ADCY2: variants seen among roughly 807,000 people sequenced by gnomAD.
The protein encoded by ADCY2 is adenylate cyclase type 2.
In ADCY2, 31 loss-of-function variants were observed where a neutral mutation model predicts 125.2. That is an observed-to-expected ratio of 0.25 (90% CI 0.19 to 0.33). The LOEUF (loss-of-function observed/expected upper bound fraction) is 0.33, where lower values mean the gene tolerates loss of function less well. ADCY2 is among the 10% of genes least tolerant of loss of function. The pLI is 1.00. For synonymous variants in ADCY2, 512 were observed against 548.4 expected, an observed-to-expected ratio of 0.93 and a Z score of 0.93; for missense variants, 904 against 1,418.2, an observed-to-expected ratio of 0.64 and a Z score of 5.82.
chr5:7,639,512 T>A (rs1393597491), intron 4 of ADCY2, among the ~76,000 whole-genome samples: 1 of 152,214 alleles, frequency 6.6e-6, no homozygotes, highest in Admixed American at 6.5e-5. Context: ...TAAAACCATG[T>A]CTTCCAATAC....
chr5:7,401,395 T>C (rs1030067947), intron 1 of ADCY2, among the ~76,000 whole-genome samples: 11 of 152,212 alleles, frequency 7.2e-5, no homozygotes, highest in Admixed American at 5.9e-4. Context: ...TGACTTTCCC[T>C]GGGTGACTTT....
rs1055961138 is a variant in ADCY2 at position 7,828,750 on chromosome 5, A to G, written c.*1879A>G. The G allele has an allele frequency of 6.6e-6, 1 of 152,384 alleles. No homozygotes were observed. Among genetic ancestry groups the G allele is most frequent in the Non-Finnish European group, 1.5e-5 (1 of 68,054 alleles). 9.4% of individuals were successfully genotyped at this position (152,384 alleles called of 1,614,324 possible). On this transcript the variant is annotated 3_prime_UTR_variant, in exon 25 of 25. Coordinates refer to ENST00000338316, the MANE Select transcript of ADCY2 (RefSeq NM_020546.3). ...CTAACTCATTCTTCACGGATGCCGT[A>G]GCGTTTCCGTGAGCTCAAACTGGCC...
At chr5:7,826,155 G>T (rs1415451399) in intron 24 of ADCY2, among the ~76,000 whole-genome samples, 1 of 152,072 alleles carries the variant, frequency 6.6e-6, no homozygotes, top group Non-Finnish European at 1.5e-5. Context: ...TCACTCAAAG[G>T]CATCAAACCT....
intron 2 of ADCY2, among the ~76,000 whole-genome samples, chr5:7,476,157 C>T (rs1742517339): frequency 6.6e-6 from 1 of 152,064 alleles, no homozygotes; most frequent in Admixed American, 6.6e-5. Context: ...ACTGAAAATA[C>T]ATTTTCCACA....
chr5:7,747,135 C>T (rs1184712246), intron 15 of ADCY2, among the ~76,000 whole-genome samples: 3 of 152,300 alleles, frequency 2.0e-5, no homozygotes, highest in East Asian at 3.9e-4. Flanking sequence ...CCTTCACTCC[C>T]ACCCGAGGCA....
At chr5:7,772,846 A>T (rs926987393) in intron 17 of ADCY2, 86 bp from the exon 18 acceptor site, 62 of 1,330,098 alleles carry the variant, frequency 4.7e-5, no homozygotes, top group Non-Finnish European at 5.9e-5. Context: ...ACCAGATGAG[A>T]TGGGCGGTGG....
chr5:7,598,760 G>C (rs1737097543), intron 3 of ADCY2, among the ~76,000 whole-genome samples: 1 of 152,142 alleles, frequency 6.6e-6, no homozygotes, highest in African/African-American at 2.4e-5. Flanking sequence ...GCAGTGATGT[G>C]TGACACCTCC....
At chr5:7,597,916 T>A (rs768495195) in intron 3 of ADCY2, among the ~76,000 whole-genome samples, 1 of 152,202 alleles carries the variant, frequency 6.6e-6, no homozygotes, top group Non-Finnish European at 1.5e-5. Flanking sequence ...GGAAAAATCC[T>A]TGCAATGTCT....
At chr5:7,594,211 C>T (rs1736934538) in intron 3 of ADCY2, among the ~76,000 whole-genome samples, 1 of 152,106 alleles carries the variant, frequency 6.6e-6, no homozygotes, top group South Asian at 2.1e-4. Flanking sequence ...TTAGAGGCCA[C>T]TGCAAATCCA....
intron 2 of ADCY2, among the ~76,000 whole-genome samples, chr5:7,427,138 T>G (rs1490974733): frequency 6.6e-6 from 1 of 152,144 alleles, no homozygotes; most frequent in Admixed American, 6.5e-5. Flanking sequence ...TATTCTGTGA[T>G]TTGCTGACAG....
At chr5:7,809,387 A>G (rs1044148523) in intron 22 of ADCY2, among the ~76,000 whole-genome samples, 35 of 152,370 alleles carry the variant, frequency 2.3e-4, no homozygotes, top group Non-Finnish European at 4.3e-4. Flanking sequence ...GGAAAATAAC[A>G]TACCTGATAA....
At chr5:7,446,876 CTCTTCTACAATGT>C (rs1741279967) in intron 2 of ADCY2, among the ~76,000 whole-genome samples, 1 of 152,192 alleles carries the variant, frequency 6.6e-6, no homozygotes, top group African/African-American at 2.4e-5. Context: ...TCTGTGAATA[CTCTTCTACAATGT>C]TCTTCTACAA....
chr5:7,489,160 C>T (rs538801101), intron 2 of ADCY2, among the ~76,000 whole-genome samples: 6 of 152,114 alleles, frequency 3.9e-5, no homozygotes, highest in African/African-American at 9.7e-5. Flanking sequence ...TTGGATACCC[C>T]CCTTTGCTGC....
chr5:7,683,129 C>T (rs931131685), intron 4 of ADCY2, among the ~76,000 whole-genome samples: 42 of 152,166 alleles, frequency 2.8e-4, no homozygotes, highest in African/African-American at 1.0e-3. Flanking sequence ...CATGAGGTCC[C>T]TGCCCTGAAG....
At chr5:7,569,616 C>A (rs1343524867) in intron 3 of ADCY2, among the ~76,000 whole-genome samples, 2 of 152,116 alleles carry the variant, frequency 1.3e-5, no homozygotes, top group Non-Finnish European at 2.9e-5. Flanking sequence ...AACCCTAGGT[C>A]ACCAAGCCAG....
At chr5:7,524,944 T>G (rs928895138) in intron 3 of ADCY2, among the ~76,000 whole-genome samples, 1 of 152,296 alleles carries the variant, frequency 6.6e-6, no homozygotes, top group African/African-American at 2.4e-5. Flanking sequence ...CTATACAGTC[T>G]TGTATTTTCC....
At position 7,418,647 on chromosome 5, in the gene ADCY2, GTTTTTTTTTTTTTTT is replaced by G. The variant is rs869287430; in HGVS notation, c.408+3889_408+3903del. Among the ~76,000 whole-genome samples, 6 of 73,766 alleles carry G rather than the reference GTTTTTTTTTTTTTTT, an allele frequency of 8.1e-5. No individual in the cohort carries two copies. The East Asian group carries it at 1.2e-3, about 15-fold the overall frequency. 48.4% of individuals were successfully genotyped at this position (73,766 alleles called of 152,430 possible). A position where few individuals can be genotyped will look rare whatever the true frequency, so the allele number is the denominator to read the frequency against. Reference sequence around the variant, plus strand: ...AATTAAAAACAAAAGTCTACCTTCTGTTTTTTTTTTTTTTTTTTTTTTTTTTGAGACTGAATCTCA... The same window carrying G: ...AATTAAAAACAAAAGTCTACCTTCTGTTTTTTTTTTTGAGACTGAATCTCA... On this transcript the variant is annotated intron_variant, in intron 2 of 24. Coordinates refer to ENST00000338316, the MANE Select transcript of ADCY2 (RefSeq NM_020546.3).
At chr5:7,594,571 G>C (rs1736946113) in intron 3 of ADCY2, among the ~76,000 whole-genome samples, 1 of 152,158 alleles carries the variant, frequency 6.6e-6, no homozygotes, top group Admixed American at 6.5e-5. Flanking sequence ...CACCTTCCTT[G>C]CACATTGCAG....
intron 2 of ADCY2, among the ~76,000 whole-genome samples, chr5:7,517,092 A>G (rs1744277746): frequency 6.6e-6 from 1 of 152,186 alleles, no homozygotes; most frequent in Non-Finnish European, 1.5e-5. Context: ...GTGGAGCTTG[A>G]GATGCAAGTA....
Sources: gnomAD v4.1 joint callset for allele counts (sites outside exome capture counted in the v4.1 genomes callset) on GRCh38, gnomAD v4.1.1 for gene constraint, MANE v1.5 for transcripts, NCBI Gene and HGNC (gene_info 2026-07-23, HGNC 2026-07-21) for gene names.